The following CACNB2 variants were observed in gnomAD, a reference collection of about 807,000 sequenced individuals.
The protein encoded by CACNB2 is voltage-dependent L-type calcium channel subunit beta-2.
CACNB2 carries 42 observed loss-of-function variants against 73.3 expected under a neutral mutation model. The ratio of observed to expected loss-of-function variants is 0.57; its 90% CI spans 0.45 to 0.74. The LOEUF (loss-of-function observed/expected upper bound fraction) is 0.74, where lower values mean the gene tolerates loss of function less well. Among genes scored for constraint, CACNB2 ranks in the 30% least tolerant of loss-of-function variants. The pLI is 0.00. For missense variants in CACNB2, 940 were observed against 853.0 expected (o/e 1.10, Z -1.27); for synonymous variants, 348 against 310.3 (o/e 1.12, Z -1.28).
At chr10:18,235,630 C>T (rs1041041556) in intron 2 of CACNB2, among the ~76,000 whole-genome samples, 1 of 152,272 alleles carries the variant, frequency 6.6e-6, no homozygotes, top group African/African-American at 2.4e-5. Context: ...TGTTCAGGCT[C>T]GGGGCTGCTG....
chr10:18,312,421 A>G (rs1361550208), intron 2 of CACNB2, among the ~76,000 whole-genome samples: 1 of 152,208 alleles, frequency 6.6e-6, no homozygotes, highest in African/African-American at 2.4e-5. Flanking sequence ...ATTTTTCTGG[A>G]CTTGCCCACA....
chr10:18,366,653 G>A (rs1270141245), intron 2 of CACNB2, among the ~76,000 whole-genome samples: 1 of 152,022 alleles, frequency 6.6e-6, no homozygotes, highest in East Asian at 1.9e-4. Context: ...AGACCAGCCT[G>A]GCCAACATGG....
chr10:18,427,058 C>T (rs1158681347), intron 3 of CACNB2, among the ~76,000 whole-genome samples: 5 of 140,534 alleles, frequency 3.6e-5, no homozygotes, highest in African/African-American at 5.4e-5. Context: ...CGGGTTCAAG[C>T]GATTCTCCTG....
chr10:18,257,562 C>A (rs1483521268), intron 2 of CACNB2, among the ~76,000 whole-genome samples: 1 of 152,204 alleles, frequency 6.6e-6, no homozygotes, highest in East Asian at 1.9e-4. Context: ...ACCTTCTGTG[C>A]TTTTGCATCT....
At chr10:18,415,352 G>A (rs949132848) in intron 3 of CACNB2, among the ~76,000 whole-genome samples, 1 of 152,010 alleles carries the variant, frequency 6.6e-6, no homozygotes, top group Non-Finnish European at 1.5e-5. Flanking sequence ...TGCAGTTCCA[G>A]CTACTCAGAA....
chr10:18,248,381 A>G (rs562738996), intron 2 of CACNB2, among the ~76,000 whole-genome samples: 1 of 152,340 alleles, frequency 6.6e-6, no homozygotes, highest in South Asian at 2.1e-4. Flanking sequence ...CTAATAATTA[A>G]AAAGTAATTG....
intron 2 of CACNB2, among the ~76,000 whole-genome samples, chr10:18,177,918 T>C (rs2033688978): frequency 6.6e-6 from 1 of 152,206 alleles, no homozygotes; most frequent in Admixed American, 6.5e-5. Flanking sequence ...GGTGCCAAGA[T>C]TCTATTTTCC....
intron 2 of CACNB2, among the ~76,000 whole-genome samples, chr10:18,157,985 A>G (rs945352440): frequency 1.3e-5 from 2 of 152,032 alleles, no homozygotes; most frequent in Non-Finnish European, 2.9e-5. Flanking sequence ...AGTTTGTGAT[A>G]CTGTTTGGCA....
chr10:18,512,896 G>C (rs1211499150), intron 6 of CACNB2, among the ~76,000 whole-genome samples: 1 of 152,140 alleles, frequency 6.6e-6, no homozygotes, highest in Non-Finnish European at 1.5e-5. Context: ...AACTTTTGAA[G>C]CGCCGGTTGT....
chr10:18,177,479 A>AT (rs1190154328), intron 2 of CACNB2, among the ~76,000 whole-genome samples: 1 of 151,618 alleles, frequency 6.6e-6, no homozygotes, highest in African/African-American at 2.4e-5. Context: ...AAAAAAAAAA[A>AT]AAATAGCTGG....
intron 2 of CACNB2, among the ~76,000 whole-genome samples, chr10:18,259,846 G>C (rs941491751): frequency 2.0e-5 from 3 of 152,090 alleles, no homozygotes; most frequent in African/African-American, 7.2e-5. Context: ...AGAGTTCAAG[G>C]CTGCAGTGAG....
chr10:18,314,220 T>G (rs2040068289), intron 2 of CACNB2, among the ~76,000 whole-genome samples: 1 of 152,250 alleles, frequency 6.6e-6, no homozygotes, highest in Admixed American at 6.5e-5. Flanking sequence ...AAAACCATAA[T>G]GTATTACTGT....
chr10:18,352,030 C>G (rs1341257672), intron 2 of CACNB2, among the ~76,000 whole-genome samples: 2 of 152,210 alleles, frequency 1.3e-5, no homozygotes, highest in African/African-American at 4.8e-5. Context: ...TTGCAGAGCT[C>G]TGACAGATGA....
intron 2 of CACNB2, among the ~76,000 whole-genome samples, chr10:18,385,045 C>T (rs1483563785): frequency 2.0e-5 from 3 of 151,758 alleles, no homozygotes; most frequent in Non-Finnish European, 4.4e-5. Flanking sequence ...TTTGGGAGGC[C>T]GAGGTGGGTG....
At chr10:18,367,075 C>G (rs530202279) in intron 2 of CACNB2, among the ~76,000 whole-genome samples, 1 of 152,308 alleles carries the variant, frequency 6.6e-6, no homozygotes, top group African/African-American at 2.4e-5. Context: ...GACGATGAGC[C>G]TTCTGAAGTG....
chr10:18,481,279 C>A (rs1460930101), intron 3 of CACNB2, among the ~76,000 whole-genome samples: 1 of 88,902 alleles, frequency 1.1e-5, no homozygotes, highest in African/African-American at 4.3e-5. Context: ...CAGAGTCTTG[C>A]TCTGTCTCCC....
At chr10:18,490,249 G>A (rs1005429543) in intron 3 of CACNB2, among the ~76,000 whole-genome samples, 1 of 152,144 alleles carries the variant, frequency 6.6e-6, no homozygotes, top group Non-Finnish European at 1.5e-5. Flanking sequence ...AATTTATTTT[G>A]AGGATCTGTT....
intron 2 of CACNB2, among the ~76,000 whole-genome samples, chr10:18,399,643 A>G (rs1315443047): frequency 1.3e-5 from 2 of 152,088 alleles, no homozygotes; most frequent in Non-Finnish European, 2.9e-5. Context: ...TTGGCCTCCC[A>G]GAGTCCTAGG....
intron 10 of CACNB2, 130 bp downstream of exon 10, chr10:18,527,827 T>C (rs1378228562): frequency 4.2e-6 from 3 of 707,604 alleles, no homozygotes; most frequent in Non-Finnish European, 7.7e-6. Context: ...TGCCAGTCGC[T>C]GTTGCTATGG....
Sources: allele counts gnomAD v4.1 joint callset (sites outside exome capture counted in the v4.1 genomes callset), GRCh38; gene constraint gnomAD v4.1.1; transcripts MANE v1.5; gene names NCBI Gene and HGNC (gene_info 2026-07-23, HGNC 2026-07-21).